ITGB1: variants seen among roughly 807,000 people sequenced by gnomAD.
ITGB1 encodes the protein integrin beta-1.
A neutral mutation model predicts 86.5 loss-of-function variants in ITGB1; 24 were observed. The observed-to-expected ratio is 0.28, with a 90% confidence interval of 0.20 to 0.39. ITGB1 has a LOEUF of 0.39. Among genes scored for constraint, ITGB1 ranks in the 10% least tolerant of loss-of-function variants. The pLI is 1.00. For synonymous variants in ITGB1, 323 were observed against 316.8 expected (o/e 1.02, Z -0.21); for missense variants, 556 against 946.9 (o/e 0.59, Z 5.42).
At chr10:32,916,856 G>A (rs2094933286) in intron 11 of ITGB1, among the ~76,000 whole-genome samples, 1 of 152,082 alleles carries the variant, frequency 6.6e-6, no homozygotes, top group Non-Finnish European at 1.5e-5. Context: ...AAGTTCATAT[G>A]GAACCAAAAA....
intron 1 of ITGB1, among the ~76,000 whole-genome samples, chr10:32,945,775 T>G (rs1042095820): frequency 3.9e-5 from 6 of 152,190 alleles, no homozygotes; most frequent in Non-Finnish European, 8.8e-5. Flanking sequence ...AGCAACTGGA[T>G]TCACAGATTT....
chr10:32,910,756 A>AT (rs57447859), intron 13 of ITGB1, among the ~76,000 whole-genome samples: 7 of 150,446 alleles, frequency 4.7e-5, no homozygotes, highest in Admixed American at 3.3e-4. Context: ...AATCATAATA[A>AT]TTTTTTTTTT....
intron 1 of ITGB1, among the ~76,000 whole-genome samples, chr10:32,944,016 G>A (rs1387331970): frequency 2.0e-5 from 3 of 152,202 alleles, no homozygotes; most frequent in Non-Finnish European, 2.9e-5. Flanking sequence ...GAACTACAGT[G>A]CACGTGCCCA....
intron 2 of ITGB1, among the ~76,000 whole-genome samples, 164 bp downstream of exon 2, chr10:32,935,328 G>A (rs1308920937): frequency 6.6e-6 from 1 of 152,158 alleles, no homozygotes; most frequent in Non-Finnish European, 1.5e-5. Flanking sequence ...AGGGGAGCCT[G>A]ACCATGAAGG....
intron 11 of ITGB1, among the ~76,000 whole-genome samples, chr10:32,917,577 C>A (rs1364861313): frequency 1.3e-5 from 2 of 152,088 alleles, no homozygotes; most frequent in African/African-American, 2.4e-5. Flanking sequence ...ATGCAGCCAA[C>A]AGACACATGA....
intron 1 of ITGB1, among the ~76,000 whole-genome samples, chr10:32,950,212 G>A (rs951186066): frequency 1.3e-5 from 2 of 152,114 alleles, no homozygotes; most frequent in Non-Finnish European, 2.9e-5. Flanking sequence ...ACAGATTTTA[G>A]TATTTAAAAA....
intron 13 of ITGB1, among the ~76,000 whole-genome samples, chr10:32,910,801 A>G (rs1437127054): frequency 6.6e-6 from 1 of 152,106 alleles, no homozygotes; most frequent in Non-Finnish European, 1.5e-5. Context: ...CAGGCAGTGC[A>G]GTGGTGTGAC....
At chr10:32,952,044 G>A (rs2095043677) in intron 1 of ITGB1, among the ~76,000 whole-genome samples, 6 of 152,160 alleles carry the variant, frequency 3.9e-5, no homozygotes, top group Admixed American at 3.9e-4. Context: ...CATCCTGTCT[G>A]TGGTGGAGTG....
chr10:32,908,270 A>T (rs565331631), intron 15 of ITGB1, 98 bp downstream of exon 15: 1 of 1,163,372 alleles, frequency 8.6e-7, no homozygotes, highest in East Asian at 2.3e-5. Context: ...ATACTTAGAA[A>T]GGACTTTAAT....
At chr10:32,935,093 AGAGT>A (rs2094996870) in intron 2 of ITGB1, among the ~76,000 whole-genome samples, 1 of 152,242 alleles carries the variant, frequency 6.6e-6, no homozygotes, top group Admixed American at 6.5e-5. Context: ...TTTTTATCAA[AGAGT>A]GAGAATGTCT....
intron 11 of ITGB1, among the ~76,000 whole-genome samples, chr10:32,917,401 A>G (rs1257056251): frequency 1.3e-5 from 2 of 152,226 alleles, no homozygotes; most frequent in African/African-American, 4.8e-5. Context: ...CAGAGTGAAC[A>G]GGCAACCTAC....
At chr10:32,922,179 A>G (rs1379820348) in intron 9 of ITGB1, 78 bp downstream of exon 9, 10 of 889,358 alleles carry the variant, frequency 1.1e-5, no homozygotes, top group Admixed American at 2.5e-5. Context: ...GTGTGTATGA[A>G]GGAAGTTTTA....
At chr10:32,935,347 C>A in intron 2 of ITGB1, 145 bp downstream of exon 2, 1 of 584,016 alleles carries the variant, frequency 1.7e-6, no homozygotes, top group Non-Finnish European at 3.1e-6. Flanking sequence ...GGAACTTGAC[C>A]TTTCTCTGAG....
At chr10:32,937,695 T>C (rs2095007272) in intron 1 of ITGB1, among the ~76,000 whole-genome samples, 2 of 152,104 alleles carry the variant, frequency 1.3e-5, no homozygotes, top group Non-Finnish European at 2.9e-5. Context: ...TCATATAATC[T>C]GAAGATAACA....
intron 1 of ITGB1, among the ~76,000 whole-genome samples, chr10:32,937,888 C>A (rs1212494124): frequency 6.6e-6 from 1 of 152,158 alleles, no homozygotes; most frequent in Non-Finnish European, 1.5e-5. Flanking sequence ...CTGAATATTT[C>A]TTTTACAGAC....
intron 15 of ITGB1, among the ~76,000 whole-genome samples, chr10:32,901,982 G>T (rs943824391): frequency 2.0e-5 from 3 of 152,142 alleles, no homozygotes; most frequent in Admixed American, 1.3e-4. Context: ...CCTTAATGAA[G>T]CATGAACTCC....
At chr10:32,913,096 G>C (rs1363651738) in intron 11 of ITGB1, among the ~76,000 whole-genome samples, 2 of 152,202 alleles carry the variant, frequency 1.3e-5, no homozygotes, top group Non-Finnish European at 2.9e-5. Flanking sequence ...CTGCAGCTGA[G>C]GGTCCTGACT....
intron 3 of ITGB1, among the ~76,000 whole-genome samples, chr10:32,930,949 TG>T (rs34887534): frequency 0.14 from 20,844 of 152,050 alleles, 1,699 homozygotes; most frequent in East Asian, 0.25. Flanking sequence ...TGTGAAAATG[TG>T]GGGGAAACAG....
At chr10:32,941,409 A>C (rs762436679) in intron 1 of ITGB1, among the ~76,000 whole-genome samples, 2 of 152,204 alleles carry the variant, frequency 1.3e-5, no homozygotes, top group Non-Finnish European at 2.9e-5. Flanking sequence ...ATATTATCTT[A>C]AAATCTTAAA....
Sources: gnomAD v4.1 joint callset for allele counts (sites outside exome capture counted in the v4.1 genomes callset) on GRCh38, gnomAD v4.1.1 for gene constraint, MANE v1.5 for transcripts, NCBI Gene and HGNC (gene_info 2026-07-23, HGNC 2026-07-21) for gene names.